Variants in NOL4 observed in about 807,000 individuals in gnomAD.
The protein encoded by NOL4 is nucleolar protein 4, also known as cancer/testis antigen 125.
NOL4 carries 17 observed loss-of-function variants against 75.9 expected under a neutral mutation model. The observed-to-expected ratio is 0.22, with a 90% CI of 0.15 to 0.34. NOL4 has a LOEUF of 0.34. Among genes scored for constraint, NOL4 ranks in the 10% least tolerant of loss-of-function variants. NOL4 has a pLI of 1.00. For missense variants in NOL4, 614 were observed against 793.5 expected (o/e 0.77, Z 2.72); for synonymous variants, 292 against 289.9 (o/e 1.01, Z -0.07).
At chr18:34,131,795 C>T (rs1460315780) in intron 1 of NOL4, among the ~76,000 whole-genome samples, 1 of 152,140 alleles carries the variant, frequency 6.6e-6, no homozygotes, top group African/African-American at 2.4e-5. Flanking sequence ...GGCCCAGATA[C>T]TACTAAACCC....
At chr18:33,869,915 A>G (rs1339308324) in intron 10 of NOL4, among the ~76,000 whole-genome samples, 1 of 152,100 alleles carries the variant, frequency 6.6e-6, no homozygotes, top group African/African-American at 2.4e-5. Context: ...GAACCTAGAC[A>G]GCATAATTTC....
At chr18:34,209,083 T>A (rs1013446265) in intron 1 of NOL4, among the ~76,000 whole-genome samples, 12 of 149,474 alleles carry the variant, frequency 8.0e-5, no homozygotes, top group African/African-American at 2.7e-4. Flanking sequence ...TGATGGTGGG[T>A]GCCTGTAATC....
chr18:34,013,592 T>C (rs2074504094), intron 6 of NOL4, among the ~76,000 whole-genome samples: 1 of 151,954 alleles, frequency 6.6e-6, no homozygotes, highest in Admixed American at 6.6e-5. Context: ...CTTACCTCAG[T>C]GCTCTGTTCA....
intron 1 of NOL4, among the ~76,000 whole-genome samples, chr18:34,184,529 G>A (rs1357188488): frequency 3.9e-5 from 6 of 152,026 alleles, no homozygotes; most frequent in Admixed American, 1.3e-4. Flanking sequence ...AGTGGGAGTG[G>A]TTATGATGGA....
chr18:34,034,766 A>G (rs2144710206), intron 5 of NOL4, among the ~76,000 whole-genome samples: 1 of 150,978 alleles, frequency 6.6e-6, no homozygotes, highest in Non-Finnish European at 1.5e-5. Flanking sequence ...AAGCAACAAT[A>G]AACAATCCCA....
chr18:34,151,556 G>C (rs888228718), intron 1 of NOL4, among the ~76,000 whole-genome samples: 2 of 151,760 alleles, frequency 1.3e-5, no homozygotes, highest in Admixed American at 6.6e-5. Context: ...TATGGGAAGG[G>C]GGGGATTAAT....
At chr18:34,043,472 A>G (rs2144836470) in intron 5 of NOL4, among the ~76,000 whole-genome samples, 1 of 152,184 alleles carries the variant, frequency 6.6e-6, no homozygotes, top group South Asian at 2.1e-4. Flanking sequence ...CCAAGAAAAA[A>G]CAATAAAAAT....
At chr18:33,969,282 A>G (rs1403572765) in intron 6 of NOL4, among the ~76,000 whole-genome samples, 2 of 152,168 alleles carry the variant, frequency 1.3e-5, no homozygotes, top group African/African-American at 4.8e-5. Flanking sequence ...AAGAAATATT[A>G]CCTTCGATAT....
At chr18:34,201,239 T>C (rs1053424501) in intron 1 of NOL4, among the ~76,000 whole-genome samples, 2 of 151,844 alleles carry the variant, frequency 1.3e-5, no homozygotes, top group Non-Finnish European at 2.9e-5. Context: ...ATACTGGGCA[T>C]TTTCTAAGTA....
chr18:34,132,573 T>C lies in NOL4; in HGVS notation c.265-2553A>G, dbSNP rs182403418. Among the ~76,000 whole-genome samples, 11 of 152,288 alleles carry C rather than the reference T, an allele frequency of 7.2e-5. No homozygotes were observed. The East Asian group carries it at 2.1e-3, about 29-fold the overall frequency. ...CTATGATTTAAGCACAATACACCTG[T>C]ACTCTATAAGTAAAAATCAAAAATG... On this transcript the variant is annotated intron_variant, in intron 1 of 10. Transcript: ENST00000261592.
At chr18:34,023,403 C>G (rs1280467835) in intron 5 of NOL4, 2 of 455,874 alleles carry the variant, frequency 4.4e-6, no homozygotes, top group Non-Finnish European at 8.8e-6. Flanking sequence ...CAATTCATAT[C>G]AGGTCATCAC....
At chr18:34,183,163 G>A (rs568794608) in intron 1 of NOL4, among the ~76,000 whole-genome samples, 3 of 151,808 alleles carry the variant, frequency 2.0e-5, no homozygotes, top group South Asian at 2.1e-4. Context: ...TTCTGACAAA[G>A]GATTTGTATT....
At chr18:34,140,693 T>G (rs937626719) in intron 1 of NOL4, among the ~76,000 whole-genome samples, 12 of 152,322 alleles carry the variant, frequency 7.9e-5, no homozygotes, top group African/African-American at 2.9e-4. Flanking sequence ...AATGTTAATC[T>G]TGTTATGTGT....
chr18:34,160,679 TA>T, intron 1 of NOL4, among the ~76,000 whole-genome samples: 1 of 152,182 alleles, frequency 6.6e-6, no homozygotes, highest in Middle Eastern at 3.2e-3. Flanking sequence ...ATTAGAGTTT[TA>T]AAAAATTTTA....
intron 5 of NOL4, among the ~76,000 whole-genome samples, chr18:34,074,108 AAGG>A (rs1303381550): frequency 6.6e-6 from 1 of 151,818 alleles, no homozygotes; most frequent in African/African-American, 2.4e-5. Flanking sequence ...AATAAGAAAA[AAGG>A]AGAATAGTCA....
chr18:34,077,826 T>C (rs1169193105), intron 5 of NOL4, among the ~76,000 whole-genome samples: 3 of 152,170 alleles, frequency 2.0e-5, no homozygotes, highest in African/African-American at 4.8e-5. Context: ...CCATTACTGC[T>C]TTCTGTGACC....
intron 1 of NOL4, among the ~76,000 whole-genome samples, chr18:34,218,944 T>C (rs1339231688): frequency 6.6e-6 from 1 of 152,210 alleles, no homozygotes; most frequent in Non-Finnish European, 1.5e-5. Flanking sequence ...CACTCTGATG[T>C]AGCATAAAGG....
At chr18:34,196,020 C>T (rs1020153154) in intron 1 of NOL4, among the ~76,000 whole-genome samples, 1 of 151,848 alleles carries the variant, frequency 6.6e-6, no homozygotes, top group African/African-American at 2.4e-5. Context: ...CATGAATAAC[C>T]AATAAACTAA....
At chr18:33,905,683 T>C (rs1036520913) in intron 9 of NOL4, among the ~76,000 whole-genome samples, 13 of 152,066 alleles carry the variant, frequency 8.5e-5, no homozygotes, top group Non-Finnish European at 1.5e-4. Flanking sequence ...TTGCTGTATA[T>C]AGGGTATATA....
Sources: gnomAD v4.1 joint callset for allele counts (sites outside exome capture counted in the v4.1 genomes callset) on GRCh38, gnomAD v4.1.1 for gene constraint, MANE v1.5 for transcripts, NCBI Gene and HGNC (gene_info 2026-07-23, HGNC 2026-07-21) for gene names.